The following TNRC18 variants were observed in gnomAD, a reference collection of about 807,000 sequenced individuals.
TNRC18 encodes trinucleotide repeat-containing gene 18 protein.
Under a neutral mutation model 226.7 loss-of-function variants are expected in TNRC18, and 69 were observed. The observed-to-expected ratio is 0.30, with a 90% CI of 0.25 to 0.37. The LOEUF (loss-of-function observed/expected upper bound fraction) is 0.37, where lower values mean the gene tolerates loss of function less well. Ranked by LOEUF, TNRC18 falls within the 10% of genes least tolerant of loss-of-function variation. The pLI, the probability that TNRC18 is intolerant of heterozygous loss-of-function variation, is 1.00. For synonymous variants in TNRC18, 2,449 were observed against 1,927.6 expected, an observed-to-expected ratio of 1.27 and a Z score of -7.09; for missense variants, 4,754 against 4,256.6, an observed-to-expected ratio of 1.12 and a Z score of -3.25.
chr7:5,341,042 C>G (rs1790633080), intron 18 of TNRC18, among the ~76,000 whole-genome samples: 1 of 152,032 alleles, frequency 6.6e-6, no homozygotes, highest in Non-Finnish European at 1.5e-5. Flanking sequence ...TAAGTTGAAG[C>G]CAATGCTCAA....
intron 18 of TNRC18, 43 bp downstream of exon 18, chr7:5,345,519 C>CCCCCCCCCCCCCCCCCCCCCCCCCCA: frequency 1.1e-5 from 2 of 174,076 alleles, no homozygotes; most frequent in East Asian, 2.0e-4. Context: ...TGGCGTCCGC[C>CCCCCCCCCCCCCCCCCCCCCCCCCCA]CCTCCCACCC....
Position 5,361,727 on chromosome 7 carries a change from A to G in TNRC18, c.4533-5T>C, listed in dbSNP as rs1233966979. ...TGGGGTTCCTCGCGCCTGTCCCTTA[A>G]AAAGAATCACACGCTTGGCTGTGAC... On this transcript the variant is annotated splice_region_variant and splice_polypyrimidine_tract_variant and intron_variant, in intron 13 of 29. Transcript: ENST00000430969. 2 of 1,563,878 alleles carry G rather than the reference A, an allele frequency of 1.3e-6. No individual in the cohort carries two copies. The highest frequency in any genetic ancestry group is 1.7e-6 in the Non-Finnish European group (2 of 1,155,020).
chr7:5,388,345 G>C lies in TNRC18; in HGVS notation c.1479C>G (p.Leu493=), dbSNP rs760007765. The change falls in exon 5 of 30, where the codon CTC becomes CTG. Residue 493 remains leucine, a synonymous_variant. Transcript: ENST00000430969. ...AGPAAQQAAK[L]FGLEPGRPPP... ...GGGGGCGCCCGGGCTCCAGGCCGAA[G>C]AGCTTGGCGGCCTGTTGGGCTGCAG... 1 of 1,586,350 alleles carries C rather than the reference G, an allele frequency of 6.3e-7. No individual in the cohort carries two copies. Among genetic ancestry groups the C allele is most frequent in the Non-Finnish European group, 8.6e-7 (1 of 1,168,558 alleles).
intron 5 of TNRC18, among the ~76,000 whole-genome samples, chr7:5,386,805 G>A (rs1779823851): frequency 6.6e-6 from 1 of 152,110 alleles, no homozygotes; most frequent in African/African-American, 2.4e-5. Context: ...TGGGGGCAGT[G>A]ACTCACGCCT....
At chr7:5,364,638 T>C (rs949392447) in intron 11 of TNRC18, among the ~76,000 whole-genome samples, 6 of 151,514 alleles carry the variant, frequency 4.0e-5, no homozygotes, top group Admixed American at 6.6e-5. Context: ...ACCCCCTCTC[T>C]ACTAAAAATA....
intron 5 of TNRC18, among the ~76,000 whole-genome samples, chr7:5,386,933 G>A (rs1779833863): frequency 6.6e-6 from 1 of 152,102 alleles, no homozygotes; most frequent in South Asian, 2.1e-4. Context: ...AATTAGCCAA[G>A]CATGGTGGCA....
chr7:5,338,118 G>T (rs1224330460), intron 18 of TNRC18, among the ~76,000 whole-genome samples: 1 of 152,034 alleles, frequency 6.6e-6, no homozygotes, highest in Non-Finnish European at 1.5e-5. Context: ...TGTATTTTAT[G>T]TGAAAAAAAC....
intron 18 of TNRC18, 45 bp downstream of exon 18, chr7:5,345,517 G>GCTCCCCCCCC: frequency 2.6e-6 from 1 of 377,744 alleles, no homozygotes; most frequent in South Asian, 4.4e-5. Context: ...AATGGCGTCC[G>GCTCCCCCCCC]CCCCTCCCAC....
At chr7:5,399,253 TGACTG>T (rs1221552275) in intron 2 of TNRC18, among the ~76,000 whole-genome samples, 1 of 152,106 alleles carries the variant, frequency 6.6e-6, no homozygotes, top group African/African-American at 2.4e-5. Context: ...TCGAAAGACT[TGACTG>T]GAATCCCTCA....
intron 18 of TNRC18, 45 bp downstream of exon 18, chr7:5,345,517 G>GCACCCCCCCCCCCCC: frequency 1.3e-5 from 5 of 377,744 alleles, no homozygotes; most frequent in South Asian, 4.4e-5. Flanking sequence ...AATGGCGTCC[G>GCACCCCCCCCCCCCC]CCCCTCCCAC....
intron 18 of TNRC18, among the ~76,000 whole-genome samples, chr7:5,342,328 C>G (rs907548137): frequency 1.3e-5 from 2 of 151,632 alleles, no homozygotes; most frequent in Non-Finnish European, 2.9e-5. Flanking sequence ...ACTCGGGAGG[C>G]TAAGGCACAA....
rs767326913 is a variant in TNRC18, at chr7:5,377,524, G to A, written c.2308C>T (p.Pro770Ser). The change falls in exon 7 of 30, where the codon CCT (proline) becomes TCT (serine). Residue 770 changes from proline to serine, a missense_variant. Pro to Ser is a moderately conservative substitution (Grantham distance 74, BLOSUM62 -1). Transcript: ENST00000430969. This position sits in a 1 kb window ranked among gnomAD's most constrained non-coding sequence, Gnocchi z 5.8. ...ATGAGGTTGGGGTTCAGGCCGTTAGGAGCACAGCTGGTAGGGTGCAGGCGG... is the reference window on the plus strand; with the variant it reads ...ATGAGGTTGGGGTTCAGGCCGTTAGAAGCACAGCTGGTAGGGTGCAGGCGG... ...LARLHPTSCA[P>S]NGLNPNLMVT... 3.1e-6 allele frequency: 5 copies of A among 1,589,802 alleles called. No homozygotes were observed. The South Asian group carries it at 5.7e-5, about 18-fold the overall frequency.
chr7:5,336,801 G>C (rs1054302814), intron 18 of TNRC18, among the ~76,000 whole-genome samples: 20 of 152,286 alleles, frequency 1.3e-4, no homozygotes, highest in Admixed American at 1.2e-3. Context: ...AAAATCCATG[G>C]AGGGGATCTA....
At position 5,388,256 on chromosome 7, in the gene TNRC18, A is replaced by T; in HGVS notation, c.1568T>A (p.Met523Lys). The T allele has an allele frequency of 9.4e-6, 15 of 1,603,608 alleles. No individual in the cohort carries two copies. Among genetic ancestry groups the T allele is most frequent in the Non-Finnish European group, 1.3e-5 (15 of 1,175,214 alleles). Residue 523 changes from methionine (M) to lysine (K), a missense_variant, in exon 5 of 30, where the codon ATG (methionine) becomes AAG (lysine). Coordinates refer to ENST00000430969, the MANE Select transcript of TNRC18 (RefSeq NM_001080495.3). ...FELGNFAATQ[M>K]AVLAAQHHHS... ...GTGGTGCTGCGCGGCCAGCACGGCC[A>T]TCTGCGTGGCGGCGAAGTTGCCCAG...
At chr7:5,348,563 A>G (rs919505900) in intron 17 of TNRC18, among the ~76,000 whole-genome samples, 1 of 144,316 alleles carries the variant, frequency 6.9e-6, no homozygotes, top group Non-Finnish European at 1.5e-5. Context: ...CTACTCATGT[A>G]TTGGAGACAG....
intron 19 of TNRC18, among the ~76,000 whole-genome samples, chr7:5,331,520 C>A (rs551413206): frequency 6.6e-6 from 1 of 152,214 alleles, no homozygotes; most frequent in South Asian, 2.1e-4. Flanking sequence ...ACAAAAGTAC[C>A]AGCAGCGCCG....
In TNRC18 at chr7:5,389,462, T is replaced by TTTTTTTGTTTTTTTTTTGTTTTTG. The variant is rs997312450; in HGVS notation, c.488-127_488-126insCAAAAACAAAAAAAAAACAAAAAA. 5 of 970,384 alleles carry TTTTTTTGTTTTTTTTTTGTTTTTG rather than the reference T, an allele frequency of 5.2e-6. No homozygotes were observed. The African/African-American group carries it at 1.3e-4, about 24-fold the overall frequency. The allele number at this position is 970,384 out of a possible 1,614,324, so 60.1% of individuals were successfully genotyped here. A position where few individuals can be genotyped will look rare whatever the true frequency, so the allele number is the denominator to read the frequency against. The stretch of plus-strand genomic sequence containing the variant: ...GCCTCCCCCAGTGTTTTGGTTTTGG[T>TTTTTTTGTTTTTTTTTTGTTTTTG]TTTTTTTTTCAGAAAGAGTCTCGCT... On this transcript the variant is annotated intron_variant, in intron 4 of 29. Transcript: ENST00000430969.
intron 2 of TNRC18, among the ~76,000 whole-genome samples, chr7:5,401,731 G>A (rs1302480783): frequency 6.6e-6 from 1 of 152,218 alleles, no homozygotes; most frequent in Non-Finnish European, 1.5e-5. Context: ...AGCATTACTA[G>A]GTATGCTACG....
At chr7:5,345,110 T>C (rs907117894) in intron 18 of TNRC18, among the ~76,000 whole-genome samples, 22 of 152,010 alleles carry the variant, frequency 1.4e-4, no homozygotes, top group African/African-American at 4.6e-4. Context: ...TCCCACAAAG[T>C]CTGAATGAGA....
Sources: gnomAD v4.1 joint callset for allele counts (sites outside exome capture counted in the v4.1 genomes callset) on GRCh38, gnomAD v4.1.1 for gene constraint, Gnocchi (gnomAD v3.1) non-coding constraint, MANE v1.5 for transcripts, NCBI Gene and HGNC (gene_info 2026-07-23, HGNC 2026-07-21) for gene names.